The following BLTP1 variants were observed in gnomAD, a reference collection of about 807,000 sequenced individuals.
BLTP1 encodes fragile site-associated protein.
At chr4:122,346,782 A>G in the BLTP1 span, 1 of 1,605,262 alleles carries the variant, frequency 6.2e-7, no homozygotes, top group Non-Finnish European at 8.5e-7. Flanking sequence ...ATGTAATTTT[A>G]ATTTTGGTTA....
At chr4:122,266,767 T>C in the BLTP1 span, 6 of 1,567,716 alleles carry the variant, frequency 3.8e-6, no homozygotes, top group Non-Finnish European at 5.2e-6. Context: ...CTAATATGAA[T>C]GTTTATGTCT....
chr4:122,153,703 G>A, the BLTP1 span, among the ~76,000 whole-genome samples: 1 of 152,284 alleles, frequency 6.6e-6, no homozygotes, highest in African/African-American at 2.4e-5. Flanking sequence ...AACAGTTTGA[G>A]AGAAACTTTC....
At chr4:122,236,688 A>T in the BLTP1 span, 1 of 830,474 alleles carries the variant, frequency 1.2e-6, no homozygotes, top group Non-Finnish European at 1.4e-6. Context: ...AAACTCAAGA[A>T]AGAATATTTG....
chr4:122,359,617 A>G, the BLTP1 span: 1 of 1,612,754 alleles, frequency 6.2e-7, no homozygotes, highest in Non-Finnish European at 8.5e-7. Flanking sequence ...ATTATTATAC[A>G]TGACGACAAT....
At chr4:122,320,458 T>A in the BLTP1 span, among the ~76,000 whole-genome samples, 1 of 152,166 alleles carries the variant, frequency 6.6e-6, no homozygotes, top group East Asian at 1.9e-4. Flanking sequence ...GCCCACTTTG[T>A]TGTTAGGCAT....
chr4:122,189,173 T>G, the BLTP1 span: 5 of 804,018 alleles, frequency 6.2e-6, no homozygotes, highest in Non-Finnish European at 6.0e-6. Flanking sequence ...ATTTTTCACT[T>G]AAGTGTGGAG....
chr4:122,329,839 C>A, the BLTP1 span, among the ~76,000 whole-genome samples: 3 of 151,668 alleles, frequency 2.0e-5, no homozygotes, highest in East Asian at 5.8e-4. Context: ...ATTAATCTTG[C>A]GTAACTAAAA....
the BLTP1 span, among the ~76,000 whole-genome samples, chr4:122,211,248 C>A: frequency 2.6e-5 from 4 of 152,092 alleles, no homozygotes; most frequent in African/African-American, 9.7e-5. Context: ...GTGCTAGACT[C>A]AATTACAAAA....
At chr4:122,264,280 C>T in the BLTP1 span, 8 of 1,608,100 alleles carry the variant, frequency 5.0e-6, no homozygotes, top group Non-Finnish European at 6.8e-6. Context: ...CAACAATACC[C>T]TCAGCCTCAG....
At chr4:122,211,979 G>T in the BLTP1 span, 3 of 734,534 alleles carry the variant, frequency 4.1e-6, no homozygotes, top group Admixed American at 1.9e-4. Context: ...AACAACTTAA[G>T]AAATTTTGCA....
At chr4:122,221,471 A>G in the BLTP1 span, among the ~76,000 whole-genome samples, 1 of 152,170 alleles carries the variant, frequency 6.6e-6, no homozygotes, top group East Asian at 1.9e-4. Context: ...TGTACTCTTT[A>G]CCCAGTTTTT....
the BLTP1 span, chr4:122,229,201 T>C: frequency 1.2e-6 from 2 of 1,612,088 alleles, no homozygotes; most frequent in Admixed American, 1.7e-5. Context: ...ATGGAGCCGA[T>C]ATTTACATTG....
chr4:122,250,845 A>T, the BLTP1 span: 1 of 748,450 alleles, frequency 1.3e-6, no homozygotes, highest in Non-Finnish European at 1.6e-6. Context: ...TTGTTGAATT[A>T]ATAAATTAAC....
the BLTP1 span, chr4:122,248,958 T>C: frequency 2.6e-6 from 1 of 390,488 alleles, no homozygotes; most frequent in Non-Finnish European, 3.5e-6. Flanking sequence ...AAAAGTAAGA[T>C]AAAGTAAAAC....
At chr4:122,329,274 T>A in the BLTP1 span, among the ~76,000 whole-genome samples, 1 of 151,734 alleles carries the variant, frequency 6.6e-6, no homozygotes, top group Admixed American at 6.6e-5. Context: ...TTCTCCTAAG[T>A]AAGAAAAACT....
At chr4:122,304,410 C>G in the BLTP1 span, among the ~76,000 whole-genome samples, 1 of 152,118 alleles carries the variant, frequency 6.6e-6, no homozygotes, top group Non-Finnish European at 1.5e-5. Flanking sequence ...AGGGTTTCAC[C>G]ATGTTGGCCA....
the BLTP1 span, chr4:122,225,038 T>C: frequency 4.1e-6 from 4 of 970,628 alleles, no homozygotes; most frequent in Middle Eastern, 5.0e-4. Context: ...TTTTCTACTA[T>C]ATGGAGTAAT....
At chr4:122,234,726 A>AT in the BLTP1 span, 916 of 1,532,012 alleles carry the variant, frequency 6.0e-4, 4 homozygotes, top group African/African-American at 0.01. Flanking sequence ...TTTCTTAATG[A>AT]TTTTTTTTAT....
the BLTP1 span, among the ~76,000 whole-genome samples, chr4:122,360,455 G>T: frequency 6.6e-6 from 1 of 151,892 alleles, no homozygotes; most frequent in African/African-American, 2.4e-5. Flanking sequence ...TAATCCTGTT[G>T]TAACTGTCTG....
Sources: gnomAD v4.1 joint callset for allele counts (sites outside exome capture counted in the v4.1 genomes callset) on GRCh38, gnomAD v4.1.1 for gene constraint, MANE v1.5 for transcripts, NCBI Gene and HGNC (gene_info 2026-07-23, HGNC 2026-07-21) for gene names.